Variants in SVOP observed in about 807,000 individuals in gnomAD.
SVOP encodes the protein SV2 related protein.
Under a neutral mutation model 69.1 loss-of-function variants are expected in SVOP, and 17 were observed. That is an observed-to-expected ratio of 0.25 (90% CI 0.17 to 0.37). The LOEUF is 0.37. SVOP is among the 10% of genes least tolerant of loss of function. The pLI is 1.00. For missense variants in SVOP, 435 were observed against 597.5 expected, an observed-to-expected ratio of 0.73 and a Z score of 2.84; for synonymous variants, 238 against 238.6, an observed-to-expected ratio of 1.00 and a Z score of 0.02.
At chr12:109,016,159 T>C (rs1468027016) in intron 1 of SVOP, among the ~76,000 whole-genome samples, 1 of 152,196 alleles carries the variant, frequency 6.6e-6, no homozygotes, top group African/African-American at 2.4e-5. Context: ...TCTCTGATCC[T>C]TACAACAGCC....
intron 10 of SVOP, among the ~76,000 whole-genome samples, chr12:108,935,910 A>G (rs1351282699): frequency 1.3e-5 from 2 of 152,174 alleles, no homozygotes; most frequent in Non-Finnish European, 2.9e-5. Context: ...CTGGAACTTA[A>G]AAGGATGCCC....
chr12:108,959,394 T>C (rs924554261), intron 6 of SVOP, among the ~76,000 whole-genome samples: 4 of 150,212 alleles, frequency 2.7e-5, no homozygotes, highest in Non-Finnish European at 5.9e-5. Flanking sequence ...CACTCTGTCA[T>C]TCAGGCTGGA....
chr12:108,953,689 T>C (rs189074449), intron 6 of SVOP, among the ~76,000 whole-genome samples: 10 of 152,372 alleles, frequency 6.6e-5, no homozygotes, highest in African/African-American at 2.2e-4. Context: ...GAACATTGTA[T>C]AATTTAAGAC....
rs555707167 is a variant in SVOP at position 108,935,985 on chromosome 12, C to A, written c.971+1279G>T. Among the ~76,000 whole-genome samples the A allele has an allele frequency of 2.7e-5, 4 of 150,704 alleles. No individual in the cohort carries two copies. In the South Asian group the frequency reaches 8.3e-4, roughly 31 times the overall value. ...TGCCACCCCTGTGGTACCCAAGGGGCAATGTGGGCTACAGGGAAGACACTG... is the reference window on the plus strand; with the variant it reads ...TGCCACCCCTGTGGTACCCAAGGGGAAATGTGGGCTACAGGGAAGACACTG... On this transcript the variant is annotated intron_variant, in intron 10 of 15. Coordinates refer to ENST00000610966, the MANE Select transcript of SVOP (RefSeq NM_018711.5).
rs67053798 is a variant in SVOP, at chr12:108,932,525, C to G, written c.1048+1670G>C. On this transcript the variant is annotated intron_variant, in intron 11 of 15. Coordinates refer to ENST00000610966, the MANE Select transcript of SVOP (RefSeq NM_018711.5). ...AGCTCCAGTGTTGTGGGGTCCTAGG[C>G]GAGCAAACTGAAATCAGTTAAGAGT... Among the ~76,000 whole-genome samples, 527 of 152,044 alleles carry G rather than the reference C, an allele frequency of 3.5e-3. 2 individuals are homozygous for G. Among genetic ancestry groups the G allele is most frequent in the African/African-American group, 0.012 (502 of 41,470 alleles).
intron 15 of SVOP, 141 bp from the exon 16 acceptor site, chr12:108,912,882 C>T: frequency 1.1e-6 from 1 of 889,262 alleles, no homozygotes; most frequent in Non-Finnish European, 1.7e-6. Context: ...TCCTCTCCCC[C>T]TTTGTCCCTC....
At chr12:108,947,690 G>A (rs2039933128) in intron 6 of SVOP, among the ~76,000 whole-genome samples, 1 of 152,112 alleles carries the variant, frequency 6.6e-6, no homozygotes, top group Admixed American at 6.6e-5. Flanking sequence ...ACAGGGAAGG[G>A]AACTTTTAAA....
At chr12:108,975,147 C>T (rs1276378394) in intron 4 of SVOP, among the ~76,000 whole-genome samples, 1 of 152,154 alleles carries the variant, frequency 6.6e-6, no homozygotes, top group Non-Finnish European at 1.5e-5. Context: ...TTCTTACATC[C>T]TCAAAGAGTT....
At chr12:108,982,116 C>T (rs1848493355) in intron 2 of SVOP, among the ~76,000 whole-genome samples, 1 of 151,616 alleles carries the variant, frequency 6.6e-6, no homozygotes, top group South Asian at 2.1e-4. Context: ...TCGTAACCAC[C>T]ATCTTCATCA....
At chr12:108,971,889 A>G (rs559388684) in intron 5 of SVOP, among the ~76,000 whole-genome samples, 13 of 152,190 alleles carry the variant, frequency 8.5e-5, no homozygotes, top group African/African-American at 3.1e-4. Context: ...TCCCATTTCT[A>G]CAAAAAATAC....
At chr12:108,982,879 TATC>T (rs1315936600) in intron 2 of SVOP, among the ~76,000 whole-genome samples, 4,991 of 126,258 alleles carry the variant, frequency 0.04, 628 homozygotes, top group Admixed American at 0.23. Flanking sequence ...TCATCATCAC[TATC>T]ATCATCATCA....
chr12:108,947,858 T>C (rs1472586015), intron 6 of SVOP, among the ~76,000 whole-genome samples: 2 of 152,270 alleles, frequency 1.3e-5, no homozygotes, highest in East Asian at 3.9e-4. Flanking sequence ...GGTTGGGGGA[T>C]AAAGGGAAGT....
chr12:108,988,098 C>CT, intron 1 of SVOP, among the ~76,000 whole-genome samples: 1 of 132,792 alleles, frequency 7.5e-6, no homozygotes, highest in Non-Finnish European at 1.7e-5. Flanking sequence ...ATTTTTTTTT[C>CT]TTTTTTTGTA....
intron 6 of SVOP, among the ~76,000 whole-genome samples, chr12:108,956,278 G>C (rs2039985389): frequency 6.7e-6 from 1 of 150,100 alleles, no homozygotes; most frequent in African/African-American, 2.5e-5. Flanking sequence ...CTCCAGCCTG[G>C]GCGACAGAGC....
intron 7 of SVOP, among the ~76,000 whole-genome samples, chr12:108,943,083 G>A (rs1431092327): frequency 6.6e-6 from 1 of 151,944 alleles, no homozygotes; most frequent in Non-Finnish European, 1.5e-5. Context: ...TAAACCATCT[G>A]CAGTGATCCT....
intron 4 of SVOP, among the ~76,000 whole-genome samples, chr12:108,975,027 G>A (rs562552962): frequency 6.6e-6 from 1 of 152,176 alleles, no homozygotes; most frequent in African/African-American, 2.4e-5. Flanking sequence ...TGACAGTCCT[G>A]GATTCTACAT....
intron 8 of SVOP, among the ~76,000 whole-genome samples, chr12:108,940,136 G>A (rs1039510149): frequency 1.3e-5 from 2 of 152,126 alleles, no homozygotes; most frequent in Non-Finnish European, 2.9e-5. Flanking sequence ...GAATAAATAT[G>A]ATAATGCATG....
At chr12:108,946,977 C>T (rs2039927635) in intron 6 of SVOP, among the ~76,000 whole-genome samples, 1 of 152,052 alleles carries the variant, frequency 6.6e-6, no homozygotes, top group African/African-American at 2.4e-5. Context: ...GCCTCAGCCT[C>T]CTAAAGTCCT....
chr12:108,955,389 A>G (rs969310905), intron 6 of SVOP, among the ~76,000 whole-genome samples: 2 of 152,178 alleles, frequency 1.3e-5, no homozygotes, highest in Non-Finnish European at 2.9e-5. Flanking sequence ...AGTGGAGCAC[A>G]TTGTCCACAA....
Sources: allele counts gnomAD v4.1 joint callset (sites outside exome capture counted in the v4.1 genomes callset), GRCh38; gene constraint gnomAD v4.1.1; transcripts MANE v1.5; gene names NCBI Gene and HGNC (gene_info 2026-07-23, HGNC 2026-07-21).